NEBL: variants seen among roughly 807,000 people sequenced by gnomAD.
NEBL encodes LIM and SH3 protein 2.
In NEBL, 122 loss-of-function variants were observed where a neutral mutation model predicts 140.2. The ratio of observed to expected loss-of-function variants is 0.87; its 90% confidence interval spans 0.75 to 1.01. NEBL has a LOEUF of 1.01. Ranked by LOEUF, NEBL falls within the 50% of genes least tolerant of loss-of-function variation. NEBL has a pLI of 0.00. For synonymous variants in NEBL, 436 were observed against 398.9 expected, an observed-to-expected ratio of 1.09 and a Z score of -1.11; for missense variants, 1,365 against 1,231.3, an observed-to-expected ratio of 1.11 and a Z score of -1.62.
At chr10:21,104,940 T>C (rs1248141831) in intron 2 of NEBL, among the ~76,000 whole-genome samples, 1 of 152,222 alleles carries the variant, frequency 6.6e-6, no homozygotes, top group African/African-American at 2.4e-5. Context: ...AGAATTGATG[T>C]TGCGCATAGT....
intron 2 of NEBL, among the ~76,000 whole-genome samples, chr10:21,248,408 G>A (rs530355569): frequency 2.6e-5 from 4 of 151,980 alleles, no homozygotes; most frequent in Admixed American, 2.6e-4. Context: ...AAAATAAGTG[G>A]AATCATGCAA....
exon 1 of NEBL, chr10:21,174,065 G>A: frequency 3.7e-6 from 4 of 1,095,438 alleles, no homozygotes; most frequent in Non-Finnish European, 4.4e-6. Context: ...CTCGGCTCCG[G>A]CTCCGGCTCC....
At chr10:21,141,188 T>C (rs1255104434) in intron 2 of NEBL, among the ~76,000 whole-genome samples, 1 of 152,192 alleles carries the variant, frequency 6.6e-6, no homozygotes, top group African/African-American at 2.4e-5. Flanking sequence ...GGATTTTCTT[T>C]TGCTAAAAAT....
chr10:20,899,985 G>A (rs1261744834), upstream of NEBL, among the ~76,000 whole-genome samples: 1 of 152,154 alleles, frequency 6.6e-6, no homozygotes, highest in Non-Finnish European at 1.5e-5. Flanking sequence ...TCACAGCAAA[G>A]TTTTCTTGTC....
At chr10:21,060,726 C>A (rs573120314) in intron 2 of NEBL, among the ~76,000 whole-genome samples, 50 of 152,166 alleles carry the variant, frequency 3.3e-4, no homozygotes, top group African/African-American at 1.2e-3. Flanking sequence ...TCCATTCTCT[C>A]TTCCATTTCA....
chr10:21,246,909 A>G (rs563131127), intron 3 of NEBL, among the ~76,000 whole-genome samples: 15 of 152,282 alleles, frequency 9.9e-5, no homozygotes, highest in African/African-American at 2.6e-4. Flanking sequence ...ATCTCACGTC[A>G]AATTGTAATT....
At chr10:21,207,253 C>G (rs888856497) in intron 3 of NEBL, among the ~76,000 whole-genome samples, 1 of 151,954 alleles carries the variant, frequency 6.6e-6, no homozygotes, top group African/African-American at 2.4e-5. Flanking sequence ...GGATTACAGA[C>G]GTAAGCCACC....
intron 11 of NEBL, 67 bp from the exon 12 acceptor site, chr10:20,845,435 C>A: frequency 2.0e-6 from 2 of 994,972 alleles, no homozygotes; most frequent in Non-Finnish European, 3.2e-6. Context: ...GAGATTTGAA[C>A]AAGAGTTCCC....
chr10:21,235,785 A>T (rs1041515437), intron 3 of NEBL, among the ~76,000 whole-genome samples: 2 of 152,212 alleles, frequency 1.3e-5, no homozygotes, highest in Non-Finnish European at 2.9e-5. Flanking sequence ...TTGATTTTCA[A>T]CTATAATTAG....
chr10:21,289,447 A>G (rs1365969337), intron 1 of NEBL, among the ~76,000 whole-genome samples: 1 of 152,196 alleles, frequency 6.6e-6, no homozygotes, highest in African/African-American at 2.4e-5. Context: ...TTGTTTTTCT[A>G]AAATATGCTT....
At chr10:20,970,506 C>T (rs1367114178) in intron 3 of NEBL, among the ~76,000 whole-genome samples, 1 of 151,938 alleles carries the variant, frequency 6.6e-6, no homozygotes, top group Non-Finnish European at 1.5e-5. Context: ...ATTAGCTGGA[C>T]ATGGTGGCAC....
rs61234594 is a variant in NEBL, at chr10:21,082,535, TAAAAAAAAAAAAAA to T, written c.165-62348_165-62335del. ...AGTTTGAAGTGTTCCCCACCACCAC[TAAAAAAAAAAAAAA>T]AAAAAAAAAAAAAAAATTAAGACTG... On this transcript the variant is annotated intron_variant, in intron 2 of 6. Transcript: ENST00000417816. Among the ~76,000 whole-genome samples the T allele has an allele frequency of 7.9e-3, 928 of 117,266 alleles. 8 individuals carry two copies. Among genetic ancestry groups the T allele is most frequent in the African/African-American group, 0.02 (497 of 25,274 alleles). The allele number at this position is 117,266 out of a possible 152,430, so 76.9% of individuals were successfully genotyped here. A position where few individuals can be genotyped will look rare whatever the true frequency, so the allele number is the denominator to read the frequency against.
intron 1 of NEBL, among the ~76,000 whole-genome samples, chr10:21,256,003 A>G (rs1023896785): frequency 6.6e-6 from 1 of 151,988 alleles, no homozygotes; most frequent in South Asian, 2.1e-4. Flanking sequence ...AGAAAAAGAA[A>G]AAAAAGGATT....
At chr10:20,819,314 T>G in intron 20 of NEBL, 110 bp downstream of exon 20, 1 of 1,554,546 alleles carries the variant, frequency 6.4e-7, no homozygotes, top group Non-Finnish European at 8.8e-7. Context: ...AGTATTTGGT[T>G]TTACGTTCCT....
At chr10:20,804,104 C>T (rs930988161) in intron 26 of NEBL, among the ~76,000 whole-genome samples, 2 of 151,998 alleles carry the variant, frequency 1.3e-5, no homozygotes, top group Non-Finnish European at 2.9e-5. Context: ...GTCAACAAAA[C>T]AGCCAGTACC....
rs1332320421 is a variant in NEBL at position 20,783,156 on chromosome 10, A to G, written c.*2591T>C. On this transcript the variant is annotated 3_prime_UTR_variant, in exon 28 of 28. Transcript: ENST00000377122. ...GGGAGGGAAGCACGTGGAAAGTGGA[A>G]AAGTTGTTCAGGCATGTCATTTTTT... 1 of 152,518 alleles carries G rather than the reference A, an allele frequency of 6.6e-6. No individual in the cohort carries two copies. The highest frequency in any genetic ancestry group is 2.4e-5 in the African/African-American group (1 of 41,376). The allele number at this position is 152,518 out of a possible 1,614,324, so 9.4% of individuals were successfully genotyped here. A position where few individuals can be genotyped will look rare whatever the true frequency, so the allele number is the denominator to read the frequency against.
At chr10:20,791,350 T>C (rs1288388342) in intron 26 of NEBL, among the ~76,000 whole-genome samples, 1 of 152,158 alleles carries the variant, frequency 6.6e-6, no homozygotes, top group African/African-American at 2.4e-5. Flanking sequence ...AGTGAATACA[T>C]GTGAAGATCA....
intron 8 of NEBL, 49 bp from the exon 9 acceptor site, chr10:20,858,393 A>T (rs1484772554): frequency 7.1e-7 from 1 of 1,412,272 alleles, no homozygotes; most frequent in Non-Finnish European, 1.0e-6. Flanking sequence ...AGAAAATATT[A>T]TGCTTTTGCA....
upstream of NEBL, chr10:21,174,681 G>A (rs1589315012): frequency 6.6e-6 from 1 of 152,234 alleles, no homozygotes; most frequent in Non-Finnish European, 1.5e-5. Context: ...CGGGGAACCC[G>A]GAGACCTGCG....
Sources: allele counts gnomAD v4.1 joint callset (sites outside exome capture counted in the v4.1 genomes callset), GRCh38; gene constraint gnomAD v4.1.1; transcripts MANE v1.5; gene names NCBI Gene and HGNC (gene_info 2026-07-23, HGNC 2026-07-21).